CEP70: variants seen among roughly 807,000 people sequenced by gnomAD.
CEP70 encodes centrosomal protein 70.
Under a neutral mutation model 90.9 loss-of-function variants are expected in CEP70, and 70 were observed. The observed-to-expected ratio is 0.77, with a 90% CI of 0.64 to 0.94. The LOEUF (loss-of-function observed/expected upper bound fraction) is 0.94, where lower values mean the gene tolerates loss of function less well. Ranked by LOEUF, CEP70 falls within the 40% of genes least tolerant of loss-of-function variation. The probability of loss-of-function intolerance (pLI) is 0.00; values close to 1 mark genes in which losing one functional copy is unlikely to be tolerated. For missense variants in CEP70, 648 were observed against 669.0 expected, an observed-to-expected ratio of 0.97 and a Z score of 0.35; for synonymous variants, 220 against 228.3, an observed-to-expected ratio of 0.96 and a Z score of 0.33.
rs200730069 is a variant in CEP70, at chr3:138,500,114, G to A, written c.1648C>T (p.Gln550Ter). 35 of 1,597,872 alleles carry A rather than the reference G, an allele frequency of 2.2e-5. No homozygotes were observed. The highest frequency in any genetic ancestry group is 2.7e-5 in the Non-Finnish European group (32 of 1,165,804). Reference protein sequence around the residue: ...VMQVLGPEDLQSIIYKLEEHE... With the variant: ...VMQVLGPEDL ...GTAAACTTTTAAAACAAATACCTCT[G>A]GAGGTCTTCAGGTCCTAATACCTGC... Residue 550 changes from glutamine (Q) to a stop codon, truncating the protein, a stop_gained, in exon 16 of 18, where the codon CAG becomes TAG. Transcript: ENST00000264982. LOFTEE classifies it high-confidence loss of function.
chr3:138,571,215 T>A, intron 4 of CEP70, 51 bp downstream of exon 4: 1 of 1,560,734 alleles, frequency 6.4e-7, no homozygotes, highest in Non-Finnish European at 8.7e-7. Flanking sequence ...AAAAATTTTT[T>A]AAGGAAAAAT....
chr3:138,512,615 A>G (rs1474130642), intron 11 of CEP70, among the ~76,000 whole-genome samples: 1 of 152,190 alleles, frequency 6.6e-6, no homozygotes, highest in Non-Finnish European at 1.5e-5. Context: ...CACTCATTCC[A>G]TGTATTCAAC....
chr3:138,566,812 T>C (rs2040823772), intron 6 of CEP70, among the ~76,000 whole-genome samples: 1 of 151,068 alleles, frequency 6.6e-6, no homozygotes, highest in South Asian at 2.1e-4. Context: ...AGTATATATA[T>C]ATATATAAAA....
chr3:138,548,063 T>C lies in CEP70; in HGVS notation c.466-10716A>G, dbSNP rs535024330. Among the ~76,000 whole-genome samples the C allele has an allele frequency of 8.7e-4, 132 of 152,234 alleles. 1 individual carries two copies. Among genetic ancestry groups the C allele is most frequent in the African/African-American group, 3.1e-3 (127 of 41,534 alleles). ...ATCCTGATACCAAAGCCAGAGATAC[T>C]ACAAAAAGAAGAGAACTACAGACGA... On this transcript the variant is annotated intron_variant, in intron 6 of 17. Transcript: ENST00000264982.
At chr3:138,592,130 C>T (rs541542874) in intron 1 of CEP70, among the ~76,000 whole-genome samples, 174 bp from the exon 2 acceptor site, 1 of 152,294 alleles carries the variant, frequency 6.6e-6, no homozygotes, top group South Asian at 2.1e-4. Flanking sequence ...ATGCCTCTTC[C>T]CTTCTCTTCT....
chr3:138,531,871 T>A (rs1262177516), intron 8 of CEP70, among the ~76,000 whole-genome samples: 2 of 152,172 alleles, frequency 1.3e-5, no homozygotes, highest in African/African-American at 4.8e-5. Flanking sequence ...TATTATGGGA[T>A]CCTAATTACT....
At chr3:138,559,159 C>T (rs28673120) in intron 6 of CEP70, among the ~76,000 whole-genome samples, 5,726 of 151,786 alleles carry the variant, frequency 0.038, 137 homozygotes, top group South Asian at 0.082. Context: ...ATACAATAAC[C>T]GAAAGAAAAT....
At chr3:138,584,164 A>G (rs1176164166) in intron 2 of CEP70, among the ~76,000 whole-genome samples, 1 of 152,058 alleles carries the variant, frequency 6.6e-6, no homozygotes, top group East Asian at 1.9e-4. Flanking sequence ...AAACTAGAAA[A>G]TCTAGAAGAA....
chr3:138,513,788 A>G (rs1194550114), intron 11 of CEP70, among the ~76,000 whole-genome samples: 2 of 152,218 alleles, frequency 1.3e-5, no homozygotes, highest in African/African-American at 4.8e-5. Flanking sequence ...AAATTAGTGT[A>G]GTACCTTTGT....
At chr3:138,513,753 A>T (rs1001717177) in intron 11 of CEP70, among the ~76,000 whole-genome samples, 1 of 152,248 alleles carries the variant, frequency 6.6e-6, no homozygotes, top group Non-Finnish European at 1.5e-5. Context: ...CTAGCAAAAC[A>T]TAAATACTAT....
intron 11 of CEP70, among the ~76,000 whole-genome samples, chr3:138,516,377 C>CT (rs918379578): frequency 3.3e-5 from 5 of 151,522 alleles, no homozygotes; most frequent in Admixed American, 2.6e-4. Context: ...CCTCTATTAT[C>CT]TTTTTTTTGG....
chr3:138,497,288 T>C lies in CEP70; in HGVS notation c.1732+743A>G, dbSNP rs1181030524. The C allele has an allele frequency of 3.2e-6, 4 of 1,267,798 alleles. No homozygotes were observed. In the South Asian group the frequency reaches 5.3e-5, roughly 17 times the overall value. The allele number at this position is 1,267,798 out of a possible 1,614,324, so 78.5% of individuals were successfully genotyped here. On this transcript the variant is annotated intron_variant, in intron 17 of 17. Transcript: ENST00000264982. ...TCATTGACTCATTCCCTTATTTTCA[T>C]ACCAAGCTTCATCTCCTCTTCTAAA...
intron 11 of CEP70, among the ~76,000 whole-genome samples, chr3:138,525,222 C>T (rs1323330677): frequency 6.7e-6 from 1 of 150,308 alleles, no homozygotes; most frequent in African/African-American, 2.4e-5. Flanking sequence ...AATGAGAACA[C>T]ATGGACACAG....
chr3:138,525,367 A>G, intron 11 of CEP70, 123 bp downstream of exon 11: 1 of 284,088 alleles, frequency 3.5e-6, no homozygotes, highest in Non-Finnish European at 6.2e-6. Flanking sequence ...ATACATATGT[A>G]ACTAACCTGC....
At chr3:138,520,945 A>G (rs1326156565) in intron 11 of CEP70, among the ~76,000 whole-genome samples, 1 of 152,016 alleles carries the variant, frequency 6.6e-6, no homozygotes, top group Non-Finnish European at 1.5e-5. Flanking sequence ...AGTGCCTGGG[A>G]TTGCAGGTGT....
At chr3:138,591,346 T>C (rs545137342) in intron 2 of CEP70, among the ~76,000 whole-genome samples, 7 of 152,064 alleles carry the variant, frequency 4.6e-5, no homozygotes, top group African/African-American at 1.4e-4. Flanking sequence ...AGATACCTCA[T>C]GTATATACAA....
intron 6 of CEP70, among the ~76,000 whole-genome samples, chr3:138,538,860 G>A (rs1318438364): frequency 6.6e-6 from 1 of 152,014 alleles, no homozygotes; most frequent in Non-Finnish European, 1.5e-5. Flanking sequence ...CAATTTCTGT[G>A]TTGCTAGAAA....
chr3:138,496,591 C>G, intron 17 of CEP70: 1 of 985,352 alleles, frequency 1.0e-6, no homozygotes, highest in Non-Finnish European at 1.2e-6. Context: ...CTCAGTCAAT[C>G]ACACCATTTA....
At chr3:138,542,264 G>C (rs1410107562) in intron 6 of CEP70, among the ~76,000 whole-genome samples, 1 of 152,230 alleles carries the variant, frequency 6.6e-6, no homozygotes, top group Non-Finnish European at 1.5e-5. Flanking sequence ...ACTGCAAGCA[G>C]CTTCCGCTGT....
Sources: allele counts gnomAD v4.1 joint callset (sites outside exome capture counted in the v4.1 genomes callset), GRCh38; gene constraint gnomAD v4.1.1; transcripts MANE v1.5; gene names NCBI Gene and HGNC (gene_info 2026-07-23, HGNC 2026-07-21).